The following SLC37A1 variants were observed in gnomAD, a reference collection of about 807,000 sequenced individuals.
The protein encoded by SLC37A1 is solute carrier family 37 member 1, also known as glucose-6-phosphate exchanger SLC37A1.
Under a neutral mutation model 75.3 loss-of-function variants are expected in SLC37A1, and 49 were observed. The observed-to-expected ratio is 0.65, with a 90% CI of 0.52 to 0.83. The LOEUF (loss-of-function observed/expected upper bound fraction) is 0.83, where lower values mean the gene tolerates loss of function less well. SLC37A1 is among the 40% of genes least tolerant of loss of function. SLC37A1 has a pLI of 0.00. For missense variants in SLC37A1, 566 were observed against 695.0 expected, an observed-to-expected ratio of 0.81 and a Z score of 2.09; for synonymous variants, 268 against 292.1, an observed-to-expected ratio of 0.92 and a Z score of 0.84.
chr21:42,575,952 G>A, intron 18 of SLC37A1: 1 of 985,036 alleles, frequency 1.0e-6, no homozygotes, highest in Non-Finnish European at 1.2e-6. Context: ...CATTACAACT[G>A]TTCAGAGAAT....
At chr21:42,535,620 A>C (rs75815092) in intron 5 of SLC37A1, 70 bp downstream of exon 5, 2 of 1,382,008 alleles carry the variant, frequency 1.4e-6, no homozygotes, top group Non-Finnish European at 2.1e-6. Flanking sequence ...GACATCCGCT[A>C]TGCTGAAGTG....
At chr21:42,500,977 G>A (rs538650618) in intron 1 of SLC37A1, among the ~76,000 whole-genome samples, 1 of 152,312 alleles carries the variant, frequency 6.6e-6, no homozygotes, top group African/African-American at 2.4e-5. Context: ...TTTTCACCCA[G>A]GAAGTGAGAT....
intron 12 of SLC37A1, 140 bp downstream of exon 12, chr21:42,562,308 A>G (rs953624367): frequency 3.7e-5 from 26 of 706,168 alleles, no homozygotes; most frequent in Non-Finnish European, 5.6e-5. Flanking sequence ...ATAAAGTACT[A>G]TGATGAAACA....
In SLC37A1 at chr21:42,559,030, C is replaced by T. The variant is rs1438076048; in HGVS notation, c.922C>T (p.Pro308Ser). ...SIHPNHVVILPGDGGSGTAAI... is the reference protein window; with the variant it reads ...SIHPNHVVILSGDGGSGTAAI... ...CCACCCGAACCACGTCGTCATTCTCCCCGGGGACGGTGGGAGTGGCACGGC... is the reference window on the plus strand; with the variant it reads ...CCACCCGAACCACGTCGTCATTCTCTCCGGGGACGGTGGGAGTGGCACGGC... The change falls in exon 11 of 20, where the codon CCC becomes TCC. Residue 308 changes from proline to serine, a missense_variant. Transcript: ENST00000352133. The T allele has an allele frequency of 6.2e-7, 1 of 1,613,878 alleles. No individual in the cohort carries two copies. The highest frequency in any genetic ancestry group is 1.1e-5 in the South Asian group (1 of 91,036).
chr21:42,505,483 A>G (rs2054375865), intron 2 of SLC37A1, among the ~76,000 whole-genome samples: 1 of 152,158 alleles, frequency 6.6e-6, no homozygotes, highest in Non-Finnish European at 1.5e-5. Context: ...TGTCCACAGT[A>G]TCCTCCAGGT....
rs557349692 is a variant in SLC37A1, at chr21:42,544,773, T to A, written c.730+1171T>A. On this transcript the variant is annotated intron_variant, in intron 8 of 19. Transcript: ENST00000352133. ...CACTGCAGTTCTGAGAAAGGCCATTTCCACCACCTGTTTTCTTCCGCTCTG... is the reference window on the plus strand; with the variant it reads ...CACTGCAGTTCTGAGAAAGGCCATTACCACCACCTGTTTTCTTCCGCTCTG... Among the ~76,000 whole-genome samples the A allele has an allele frequency of 1.3e-5, 2 of 152,332 alleles. 1 individual carries two copies. Among genetic ancestry groups the A allele is most frequent in the South Asian group, 4.1e-4 (2 of 4,828 alleles).
intron 2 of SLC37A1, among the ~76,000 whole-genome samples, chr21:42,521,914 A>T (rs1219155374): frequency 6.6e-6 from 1 of 152,218 alleles, no homozygotes; most frequent in African/African-American, 2.4e-5. Flanking sequence ...TTACCCTCTC[A>T]CATCCCTGGA....
chr21:42,557,092 T>C (rs1174297831), intron 10 of SLC37A1, among the ~76,000 whole-genome samples: 2 of 152,214 alleles, frequency 1.3e-5, no homozygotes, highest in Non-Finnish European at 2.9e-5. Flanking sequence ...AAGTAGGTCT[T>C]CTGTGTTGAC....
intron 3 of SLC37A1, among the ~76,000 whole-genome samples, chr21:42,530,652 A>ACACC (rs1555882099): frequency 4.0e-5 from 1 of 25,066 alleles, no homozygotes. Context: ...ACACACACAC[A>ACACC]CACCCCCTCT....
At chr21:42,555,875 C>G (rs903848272) in intron 10 of SLC37A1, among the ~76,000 whole-genome samples, 2 of 152,244 alleles carry the variant, frequency 1.3e-5, no homozygotes, top group Non-Finnish European at 2.9e-5. Flanking sequence ...GCATGCTGAC[C>G]TCGCTTACGT....
upstream of SLC37A1, among the ~76,000 whole-genome samples, chr21:42,509,951 C>T (rs2054419364): frequency 1.3e-5 from 2 of 152,202 alleles, no homozygotes; most frequent in Admixed American, 1.3e-4. The surrounding 1 kb of genome is among the most constrained non-coding windows in gnomAD (Gnocchi z 4.2). Context: ...TCAGTCAAGG[C>T]CTGTCACTGG....
At chr21:42,568,958 G>T (rs185335985) in intron 17 of SLC37A1, among the ~76,000 whole-genome samples, 1 of 152,254 alleles carries the variant, frequency 6.6e-6, no homozygotes, top group African/African-American at 2.4e-5. Flanking sequence ...GCAGCCTGAC[G>T]GCACGGCTGT....
chr21:42,577,944 C>T (rs555711460), intron 18 of SLC37A1, among the ~76,000 whole-genome samples: 151 of 152,324 alleles, frequency 9.9e-4, no homozygotes, highest in Non-Finnish European at 1.7e-3. Context: ...ACTTGGGAGA[C>T]GGGGGCTTGT....
chr21:42,539,727 T>C, intron 6 of SLC37A1, 80 bp downstream of exon 6: 3 of 1,423,988 alleles, frequency 2.1e-6, no homozygotes, highest in Middle Eastern at 1.8e-4. Context: ...ACGTCACCTC[T>C]GTCAAGGTGT....
intron 19 of SLC37A1, among the ~76,000 whole-genome samples, chr21:42,580,117 C>T (rs543277070): frequency 3.0e-4 from 45 of 152,092 alleles, no homozygotes; most frequent in African/African-American, 1.1e-3. Flanking sequence ...TTCCCTCCCC[C>T]CTTGGTCCTC....
chr21:42,563,604 G>A (rs1195427162), intron 12 of SLC37A1, among the ~76,000 whole-genome samples: 1 of 152,224 alleles, frequency 6.6e-6, no homozygotes, highest in Non-Finnish European at 1.5e-5. Context: ...ATTAGACTGA[G>A]CAGAGGAAAG....
intron 9 of SLC37A1, among the ~76,000 whole-genome samples, chr21:42,549,061 A>T (rs149627562): frequency 2.9e-4 from 44 of 152,352 alleles, no homozygotes; most frequent in South Asian, 8.3e-4. Flanking sequence ...AAAATGTTTT[A>T]AAAAGCCGTG....
In SLC37A1 at chr21:42,580,594, G is replaced by C; in HGVS notation, c.*234G>C. Reference sequence around the variant, plus strand: ...AGGAACTGCTGCCTGAGCCAAGCCAGAGAACCGAAGACCCGGCCGGCCCTG... The same window carrying C: ...AGGAACTGCTGCCTGAGCCAAGCCACAGAACCGAAGACCCGGCCGGCCCTG... On this transcript the variant is annotated 3_prime_UTR_variant, in exon 20 of 20. Transcript: ENST00000352133. 2 of 439,468 alleles carry C rather than the reference G, an allele frequency of 4.6e-6. No individual in the cohort carries two copies. Among genetic ancestry groups the C allele is most frequent in the Non-Finnish European group, 8.2e-6 (2 of 243,184 alleles). 27.2% of individuals were successfully genotyped at this position (439,468 alleles called of 1,614,324 possible).
chr21:42,551,592 G>A (rs1400371123), intron 9 of SLC37A1, among the ~76,000 whole-genome samples: 2 of 152,310 alleles, frequency 1.3e-5, no homozygotes, highest in African/African-American at 2.4e-5. Context: ...GGTACAGTAT[G>A]TGAATTCTGT....
Sources: gnomAD v4.1 joint callset for allele counts (sites outside exome capture counted in the v4.1 genomes callset) on GRCh38, gnomAD v4.1.1 for gene constraint, Gnocchi (gnomAD v3.1) non-coding constraint, MANE v1.5 for transcripts, NCBI Gene and HGNC (gene_info 2026-07-23, HGNC 2026-07-21) for gene names.